The following GOLM2 variants were observed in gnomAD, a reference collection of about 807,000 sequenced individuals.
GOLM2 encodes protein GOLM2.
Under a neutral mutation model 55.9 loss-of-function variants are expected in GOLM2, and 26 were observed. The ratio of observed to expected loss-of-function variants is 0.47; its 90% CI spans 0.34 to 0.65. The LOEUF is 0.65. Ranked by LOEUF, GOLM2 falls within the 30% of genes least tolerant of loss-of-function variation. The pLI is 0.01. For synonymous variants in GOLM2, 165 were observed against 194.6 expected (o/e 0.85, Z 1.27); for missense variants, 486 against 531.8 (o/e 0.91, Z 0.85).
rs986344830 is a variant in GOLM2 at position 44,342,314 on chromosome 15, G to A, written c.802+3997G>A. The stretch of plus-strand genomic sequence containing the variant: ...GGGTCTTGCTCTGTCACCTAGGCTG[G>A]AGTGCAGTGGCATGATCATGGCTCA... On this transcript the variant is annotated intron_variant, in intron 6 of 9. Transcript: ENST00000299957. Among the ~76,000 whole-genome samples, 5 of 151,712 alleles carry A rather than the reference G, an allele frequency of 3.3e-5. No homozygotes were observed. The East Asian group carries it at 9.7e-4, about 29-fold the overall frequency.
intron 2 of GOLM2, among the ~76,000 whole-genome samples, chr15:44,326,035 G>A (rs1389441899): frequency 9.9e-5 from 15 of 151,666 alleles, no homozygotes; most frequent in Middle Eastern, 6.3e-3. Context: ...AGGCTGAGGC[G>A]GGCAGATCAC....
At chr15:44,313,314 ATC>A (rs1277115719) in intron 1 of GOLM2, among the ~76,000 whole-genome samples, 19 of 152,166 alleles carry the variant, frequency 1.2e-4, no homozygotes, top group Non-Finnish European at 2.4e-4. Flanking sequence ...AAGACATTTT[ATC>A]TCTGCATTTT....
intron 1 of GOLM2, among the ~76,000 whole-genome samples, chr15:44,300,904 G>T (rs969222322): frequency 1.3e-5 from 2 of 152,072 alleles, no homozygotes; most frequent in East Asian, 3.9e-4. Flanking sequence ...TTCTGGCCAG[G>T]TAGTTCCTCT....
intron 6 of GOLM2, among the ~76,000 whole-genome samples, chr15:44,379,393 G>A (rs912173911): frequency 9.9e-5 from 15 of 152,120 alleles, no homozygotes; most frequent in Middle Eastern, 3.4e-3. Context: ...AGGGAGAATC[G>A]CTGGAACGCG....
chr15:44,297,752 A>C (rs191527638), intron 1 of GOLM2, among the ~76,000 whole-genome samples: 13 of 149,650 alleles, frequency 8.7e-5, no homozygotes, highest in African/African-American at 3.0e-4. Context: ...TGAGTAGAGA[A>C]GGGGTTTCAC....
intron 6 of GOLM2, among the ~76,000 whole-genome samples, chr15:44,342,837 C>G (rs2079098421): frequency 6.6e-6 from 1 of 152,186 alleles, no homozygotes. Flanking sequence ...ATCAGGCTAT[C>G]TTTAATGGTG....
intron 1 of GOLM2, among the ~76,000 whole-genome samples, chr15:44,311,418 G>C (rs1014727532): frequency 2.0e-5 from 3 of 151,694 alleles, no homozygotes; most frequent in Non-Finnish European, 4.4e-5. Context: ...CATAGTGCCT[G>C]TATTTTTCAA....
At chr15:44,374,468 G>A (rs1428504104) in intron 6 of GOLM2, among the ~76,000 whole-genome samples, 1 of 151,902 alleles carries the variant, frequency 6.6e-6, no homozygotes, top group Non-Finnish European at 1.5e-5. Flanking sequence ...GGGCAATATA[G>A]TGAGACCCCA....
In GOLM2 at chr15:44,328,721, A is replaced by G; in HGVS notation, c.419A>G (p.Gln140Arg). The G allele has an allele frequency of 6.2e-7, 1 of 1,613,458 alleles. No individual in the cohort carries two copies. Among genetic ancestry groups the G allele is most frequent in the Non-Finnish European group, 8.5e-7 (1 of 1,179,792 alleles). The change falls in exon 3 of 10, where the codon CAA becomes CGA. Residue 140 changes from glutamine to arginine, a missense_variant. Gln to Arg is a conservative substitution (Grantham distance 43, BLOSUM62 1). Transcript: ENST00000299957. ...LAELRQEFLR[Q>R]EDQLQDYRKN... ...GAGCTTCGTCAGGAATTTCTTCGAC[A>G]AGAAGACCAGCTTCAGGACTATAGG...
chr15:44,348,455 C>T (rs1189446259), intron 6 of GOLM2: 1 of 152,180 alleles, frequency 6.6e-6, no homozygotes, highest in Non-Finnish European at 1.5e-5. Context: ...TAGTGGTGGA[C>T]ACAGGGAGAG....
At chr15:44,304,840 C>A (rs1471135026) in intron 1 of GOLM2, among the ~76,000 whole-genome samples, 2 of 152,150 alleles carry the variant, frequency 1.3e-5, no homozygotes, top group African/African-American at 4.8e-5. Context: ...CAGGCATAAG[C>A]CACCGTGCCT....
intron 6 of GOLM2, among the ~76,000 whole-genome samples, chr15:44,352,703 C>T (rs1040764290): frequency 9.2e-5 from 14 of 151,896 alleles, no homozygotes; most frequent in Admixed American, 4.6e-4. Context: ...GTCAGAAGTT[C>T]GAGACCAGCC....
At chr15:44,306,694 A>G (rs115829296) in intron 1 of GOLM2, among the ~76,000 whole-genome samples, 4,404 of 152,112 alleles carry the variant, frequency 0.029, 228 homozygotes, top group African/African-American at 0.1. Context: ...GAGACATACA[A>G]CTCTTTTACT....
chr15:44,341,032 A>G (rs2079087199), intron 6 of GOLM2, among the ~76,000 whole-genome samples: 1 of 151,594 alleles, frequency 6.6e-6, no homozygotes, highest in Admixed American at 6.6e-5. Context: ...TTGTGTTTAA[A>G]TATATATAAT....
chr15:44,325,443 G>A (rs527998160), intron 2 of GOLM2, among the ~76,000 whole-genome samples: 2 of 152,206 alleles, frequency 1.3e-5, no homozygotes, highest in East Asian at 3.9e-4. Flanking sequence ...CTTTGTGGGG[G>A]GACAGAGAAG....
chr15:44,372,093 T>C (rs1328210760), intron 6 of GOLM2, among the ~76,000 whole-genome samples: 1 of 152,222 alleles, frequency 6.6e-6, no homozygotes, highest in Non-Finnish European at 1.5e-5. Context: ...TACAGAGCCA[T>C]GATTTGACTC....
intron 2 of GOLM2, among the ~76,000 whole-genome samples, chr15:44,325,598 T>C (rs915662689): frequency 1.3e-5 from 2 of 152,238 alleles, no homozygotes; most frequent in African/African-American, 2.4e-5. Context: ...AGATCACCAA[T>C]TGAAGTCTCT....
rs771341432 is a variant in GOLM2 at position 44,332,069 on chromosome 15, G to A, written c.567G>A (p.Glu189=). The A allele has an allele frequency of 1.1e-4, 175 of 1,539,912 alleles. 2 individuals are homozygous for A. The South Asian group carries it at 2.0e-3, about 18-fold the overall frequency. Residue 189 remains glutamate, a synonymous_variant, in exon 4 of 10, where the codon GAG becomes GAA. Transcript: ENST00000299957. ...AAAAGTTAGCAGACCAGTTTTTAGA[G>A]GAACAAAAGGTAAATTTTAAAAATA... ...NIKKLADQFL[E]EQKQETQKIQ... is the part of the protein sequence containing the mutation.
At chr15:44,376,376 C>A (rs2079365137) in intron 6 of GOLM2, among the ~76,000 whole-genome samples, 1 of 152,166 alleles carries the variant, frequency 6.6e-6, no homozygotes, top group African/African-American at 2.4e-5. Flanking sequence ...AGTGATCCTC[C>A]CATCTCAGCC....
Sources: gnomAD v4.1 joint callset for allele counts (sites outside exome capture counted in the v4.1 genomes callset) on GRCh38, gnomAD v4.1.1 for gene constraint, MANE v1.5 for transcripts, NCBI Gene and HGNC (gene_info 2026-07-23, HGNC 2026-07-21) for gene names.